Variants in C1orf87 observed in about 807,000 individuals in gnomAD.
C1orf87 encodes uncharacterized protein C1orf87.
In C1orf87, 58 loss-of-function variants were observed where a neutral mutation model predicts 60.5. That is an observed-to-expected ratio of 0.96 (90% CI 0.78 to 1.19). The LOEUF is 1.19. Ranked by LOEUF, C1orf87 falls within the 50% of genes most tolerant of loss-of-function variation. C1orf87 has a pLI of 0.00. For synonymous variants in C1orf87, 236 were observed against 227.4 expected (o/e 1.04, Z -0.34); for missense variants, 673 against 638.6 (o/e 1.05, Z -0.58).
intron 11 of C1orf87, among the ~76,000 whole-genome samples, chr1:59,995,592 A>G (rs1644958360): frequency 6.6e-6 from 1 of 152,188 alleles, no homozygotes; most frequent in South Asian, 2.1e-4. Flanking sequence ...GACCTGTCCA[A>G]CTGTCCAAAT....
Position 59,990,655 on chromosome 1 carries a change from C to T in C1orf87, c.*18G>A, listed in dbSNP as rs1390570382. On this transcript the variant is annotated 3_prime_UTR_variant, in exon 12 of 12. Coordinates refer to ENST00000371201, the MANE Select transcript of C1orf87 (RefSeq NM_152377.3). ...GGGAGATAAGGGAAACATCTGTTCT[C>T]ACAATATGGGCTTGTTATCATAGCT... 2 of 1,612,310 alleles carry T rather than the reference C, an allele frequency of 1.2e-6. No homozygotes were observed. Among genetic ancestry groups the T allele is most frequent in the Non-Finnish European group, 1.7e-6 (2 of 1,178,906 alleles).
At chr1:60,070,654 G>A (rs1645578383) in intron 2 of C1orf87, among the ~76,000 whole-genome samples, 1 of 152,004 alleles carries the variant, frequency 6.6e-6, no homozygotes, top group Non-Finnish European at 1.5e-5. Context: ...CAACAAACAA[G>A]CAAAATATCC....
At chr1:60,023,189 T>G (rs1344864472) in intron 8 of C1orf87, among the ~76,000 whole-genome samples, 1 of 152,172 alleles carries the variant, frequency 6.6e-6, no homozygotes, top group African/African-American at 2.4e-5. Context: ...AAATTTCTTG[T>G]GTCTGAAGTT....
intron 2 of C1orf87, among the ~76,000 whole-genome samples, chr1:60,058,174 A>G (rs1047307249): frequency 1.3e-5 from 2 of 152,238 alleles, no homozygotes; most frequent in African/African-American, 4.8e-5. Flanking sequence ...TGGTAAAACT[A>G]TATTGTAGAA....
At chr1:60,060,459 T>C (rs1645487858) in intron 2 of C1orf87, among the ~76,000 whole-genome samples, 1 of 152,162 alleles carries the variant, frequency 6.6e-6, no homozygotes, top group Non-Finnish European at 1.5e-5. Flanking sequence ...TGCTAGCTCC[T>C]TTATACACAC....
intron 2 of C1orf87, among the ~76,000 whole-genome samples, chr1:60,061,391 G>A (rs538097300): frequency 6.6e-6 from 1 of 151,910 alleles, no homozygotes; most frequent in South Asian, 2.1e-4. Flanking sequence ...ATTTCCAATT[G>A]ACAAAATAAC....
chr1:60,073,349 C>T (rs1645596824), intron 1 of C1orf87, among the ~76,000 whole-genome samples: 2 of 152,298 alleles, frequency 1.3e-5, no homozygotes, highest in Admixed American at 6.5e-5. Flanking sequence ...TAGAACCACC[C>T]AGAGGCTGAA....
At chr1:60,027,174 T>C (rs1287715893) in intron 7 of C1orf87, among the ~76,000 whole-genome samples, 1 of 152,238 alleles carries the variant, frequency 6.6e-6, no homozygotes, top group Non-Finnish European at 1.5e-5. Context: ...CAGGGCTTTG[T>C]TGACCCTGGA....
chr1:60,029,239 A>G (rs1645219714), intron 7 of C1orf87, among the ~76,000 whole-genome samples: 1 of 151,816 alleles, frequency 6.6e-6, no homozygotes, highest in Non-Finnish European at 1.5e-5. Flanking sequence ...TTGCTTTTCT[A>G]CCTCCTTGAT....
chr1:60,063,582 C>G (rs1190207425), intron 2 of C1orf87, among the ~76,000 whole-genome samples: 1 of 152,124 alleles, frequency 6.6e-6, no homozygotes, highest in Non-Finnish European at 1.5e-5. Flanking sequence ...CCATTCCCCA[C>G]CGTGCTCCAC....
chr1:60,033,064 G>A (rs1645250451), intron 7 of C1orf87, among the ~76,000 whole-genome samples: 1 of 152,108 alleles, frequency 6.6e-6, no homozygotes, highest in Non-Finnish European at 1.5e-5. Flanking sequence ...AAAACAGCAT[G>A]GTAGCCTCTA....
At chr1:60,029,169 C>T (rs1193800749) in intron 7 of C1orf87, among the ~76,000 whole-genome samples, 1 of 152,150 alleles carries the variant, frequency 6.6e-6, no homozygotes, top group Non-Finnish European at 1.5e-5. Flanking sequence ...AAGCCAGAAC[C>T]TTGGGAGTCA....
chr1:60,036,962 A>C (rs990861943), intron 6 of C1orf87, among the ~76,000 whole-genome samples: 9 of 152,198 alleles, frequency 5.9e-5, no homozygotes, highest in Non-Finnish European at 1.2e-4. Flanking sequence ...GTACACAATC[A>C]TTTCTTATTT....
intron 2 of C1orf87, among the ~76,000 whole-genome samples, chr1:60,059,578 G>A (rs1434360532): frequency 6.6e-6 from 1 of 152,128 alleles, no homozygotes; most frequent in African/African-American, 2.4e-5. Context: ...GCGTCTAGTA[G>A]CATCCTCTGC....
rs1035180789 is a variant in C1orf87, at chr1:60,055,892, A to C, written c.108-454T>G. Among the ~76,000 whole-genome samples the C allele has an allele frequency of 3.5e-5, 5 of 141,944 alleles. No individual in the cohort carries two copies. In the East Asian group the frequency reaches 9.8e-4, roughly 28 times the overall value. The allele number at this position is 141,944 out of a possible 152,430, so 93.1% of individuals were successfully genotyped here. On this transcript the variant is annotated intron_variant, in intron 2 of 11. Transcript: ENST00000371201. ...TTTCATTTAAGTTTAATATTAGAGAAAAGAAAAAAAAAACTGTAGGATGAT... is the reference window on the plus strand; with the variant it reads ...TTTCATTTAAGTTTAATATTAGAGACAAGAAAAAAAAAACTGTAGGATGAT...
chr1:60,068,765 A>T (rs1645565389), intron 2 of C1orf87, among the ~76,000 whole-genome samples: 1 of 152,154 alleles, frequency 6.6e-6, no homozygotes, highest in Non-Finnish European at 1.5e-5. Flanking sequence ...TCTTTGGCCT[A>T]CAGTTTTGGC....
At chr1:60,060,390 C>A (rs1645487446) in intron 2 of C1orf87, among the ~76,000 whole-genome samples, 1 of 152,046 alleles carries the variant, frequency 6.6e-6, no homozygotes, top group African/African-American at 2.4e-5. Context: ...AGCACCAAGC[C>A]TGGTGTTCCT....
In C1orf87 at chr1:59,998,231, C is replaced by T. The variant is rs568092360; in HGVS notation, c.1273-415G>A. 3.3e-5 allele frequency among the ~76,000 whole-genome samples: 5 copies of T among 152,128 alleles called. No individual in the cohort carries two copies. The South Asian group carries it at 6.2e-4, about 19-fold the overall frequency. On this transcript the variant is annotated intron_variant, in intron 10 of 11. Transcript: ENST00000371201. ...TGTGAGGTTTTTGACAAAAGATGATCGAAACAATAATGATGTTATCTTAGG... is the reference window on the plus strand; with the variant it reads ...TGTGAGGTTTTTGACAAAAGATGATTGAAACAATAATGATGTTATCTTAGG...
intron 2 of C1orf87, among the ~76,000 whole-genome samples, chr1:60,061,197 G>A (rs1255494212): frequency 5.3e-5 from 8 of 152,116 alleles, no homozygotes; most frequent in Non-Finnish European, 1.2e-4. Flanking sequence ...ATAAAAAGAT[G>A]ATGGATTTAA....
Sources: gnomAD v4.1 joint callset for allele counts (sites outside exome capture counted in the v4.1 genomes callset) on GRCh38, gnomAD v4.1.1 for gene constraint, MANE v1.5 for transcripts, NCBI Gene and HGNC (gene_info 2026-07-23, HGNC 2026-07-21) for gene names.